The following LARGE1 variants were observed in gnomAD, a reference collection of about 807,000 sequenced individuals.
LARGE1 encodes the protein LARGE xylosyl- and glucuronyltransferase 1.
A neutral mutation model predicts 87.6 loss-of-function variants in LARGE1; 43 were observed. The ratio of observed to expected loss-of-function variants is 0.49; its 90% CI spans 0.38 to 0.63. LARGE1 has a LOEUF of 0.63. LARGE1 is among the 30% of genes least tolerant of loss of function. LARGE1 has a pLI of 0.00. For synonymous variants in LARGE1, 434 were observed against 394.6 expected (o/e 1.10, Z -1.18); for missense variants, 802 against 1,000.2 (o/e 0.80, Z 2.67).
intron 1 of LARGE1, among the ~76,000 whole-genome samples, chr22:33,875,892 C>T (rs1269958054): frequency 1.3e-5 from 2 of 152,032 alleles, no homozygotes; most frequent in African/African-American, 2.4e-5. Flanking sequence ...CTTCAGTGCC[C>T]GGGGGCCAGG....
At chr22:33,625,363 T>G (rs1272268061) in intron 4 of LARGE1, among the ~76,000 whole-genome samples, 2 of 152,154 alleles carry the variant, frequency 1.3e-5, no homozygotes, top group Non-Finnish European at 1.5e-5. Context: ...GCTGGAAGTG[T>G]CACATGGAGA....
intron 2 of LARGE1, among the ~76,000 whole-genome samples, chr22:33,714,017 AT>A (rs2082835859): frequency 6.6e-6 from 1 of 151,990 alleles, no homozygotes; most frequent in African/African-American, 2.4e-5. Flanking sequence ...ATAACATAAC[AT>A]AACATAACAT....
chr22:33,334,775 G>A (rs548472951), intron 10 of LARGE1, among the ~76,000 whole-genome samples: 7 of 152,208 alleles, frequency 4.6e-5, no homozygotes, highest in Non-Finnish European at 2.9e-5. Flanking sequence ...GCATCTCTAA[G>A]AGCTGTTAAG....
At chr22:33,902,467 G>A (rs1163045967) in intron 1 of LARGE1, among the ~76,000 whole-genome samples, 4 of 152,202 alleles carry the variant, frequency 2.6e-5, no homozygotes, top group African/African-American at 9.7e-5. Flanking sequence ...CGGCAGCACT[G>A]AGCCTAGGGA....
chr22:33,812,604 G>T (rs989304108), intron 1 of LARGE1, among the ~76,000 whole-genome samples: 1 of 152,208 alleles, frequency 6.6e-6, no homozygotes, highest in Admixed American at 6.5e-5. Flanking sequence ...AGGCACAGAT[G>T]GCGCAGGCCT....
chr22:33,282,854 G>A (rs1388935706), intron 13 of LARGE1, among the ~76,000 whole-genome samples: 1 of 152,168 alleles, frequency 6.6e-6, no homozygotes, highest in Non-Finnish European at 1.5e-5. Flanking sequence ...ACACAAAAGG[G>A]AGAACTCGGA....
chr22:33,384,163 T>C lies in LARGE1; in HGVS notation c.1005+29A>G, dbSNP rs1202783336. 6 of 1,462,900 alleles carry C rather than the reference T, an allele frequency of 4.1e-6. No homozygotes were observed. In the South Asian group the frequency reaches 5.7e-5, roughly 14 times the overall value. 90.6% of individuals were successfully genotyped at this position (1,462,900 alleles called of 1,614,324 possible). On this transcript the variant is annotated intron_variant, in intron 8 of 14. Transcript: ENST00000397394. ...AAACAGCACCAAGCACACTCAGGAA[T>C]AGCTGCACCTTCGAACCTGGCCACT... is the stretch of plus-strand genomic sequence containing the variant.
chr22:33,466,875 C>A (rs1018455826), intron 6 of LARGE1, among the ~76,000 whole-genome samples: 5 of 152,012 alleles, frequency 3.3e-5, no homozygotes, highest in African/African-American at 1.2e-4. Flanking sequence ...GCAGTCTCTA[C>A]TAAAAACAAA....
At chr22:33,318,861 A>T (rs1247536544) in intron 10 of LARGE1, among the ~76,000 whole-genome samples, 3 of 152,088 alleles carry the variant, frequency 2.0e-5, no homozygotes, top group Non-Finnish European at 4.4e-5. Context: ...TTTACATGGC[A>T]AGGGTTACCA....
chr22:33,768,956 G>A (rs773885652), intron 1 of LARGE1, among the ~76,000 whole-genome samples: 2 of 152,152 alleles, frequency 1.3e-5, no homozygotes, highest in African/African-American at 2.4e-5. Flanking sequence ...CTGTACTAAA[G>A]CACCTAGTAA....
At chr22:33,874,560 T>TA (rs1381806986) in intron 1 of LARGE1, among the ~76,000 whole-genome samples, 1 of 152,226 alleles carries the variant, frequency 6.6e-6, no homozygotes, top group Non-Finnish European at 1.5e-5. Context: ...CTGGAAATGT[T>TA]AGAGTTTGAG....
chr22:33,884,296 G>A (rs970738318), intron 1 of LARGE1, among the ~76,000 whole-genome samples: 18 of 152,274 alleles, frequency 1.2e-4, no homozygotes, highest in African/African-American at 4.1e-4. Flanking sequence ...GCGATCATGC[G>A]CTTGCAGGGA....
chr22:33,424,965 T>C (rs542965728), intron 7 of LARGE1, among the ~76,000 whole-genome samples: 1 of 152,178 alleles, frequency 6.6e-6, no homozygotes, highest in African/African-American at 2.4e-5. Flanking sequence ...TTAATGACCT[T>C]GTAAGAAGAG....
At chr22:33,197,807 TA>T (rs1170351631) in intron 11 of LARGE1, among the ~76,000 whole-genome samples, 1 of 152,018 alleles carries the variant, frequency 6.6e-6, no homozygotes, top group East Asian at 1.9e-4. Context: ...TATGTAAATA[TA>T]AAAGGCCTAG....
In LARGE1 at chr22:33,541,054, C is replaced by CGGGGG. The variant is rs57583473; in HGVS notation, c.787+23789_787+23793dup. On this transcript the variant is annotated intron_variant, in intron 6 of 14. Coordinates refer to ENST00000397394, the MANE Select transcript of LARGE1 (RefSeq NM_133642.5). ...TCATGGTGGCTGGGGTGGTGGGTTG[C>CGGGGG]GGGGGGGGGGGGGCGGGGGGCGGGT... Among the ~76,000 whole-genome samples the CGGGGG allele has an allele frequency of 3.9e-3, 53 of 13,698 alleles. 6 individuals carry two copies. Among genetic ancestry groups the CGGGGG allele is most frequent in the Non-Finnish European group, 7.0e-3 (41 of 5,848 alleles). The allele number at this position is 13,698 out of a possible 152,430, so 9.0% of individuals were successfully genotyped here. A position where few individuals can be genotyped will look rare whatever the true frequency, so the allele number is the denominator to read the frequency against.
chr22:33,149,068 C>T, the LARGE1 span, among the ~76,000 whole-genome samples: 1,163 of 145,042 alleles, frequency 8.0e-3, 19 homozygotes, highest in African/African-American at 0.026. Context: ...GACAGAGTCT[C>T]GCTCTGTTGC....
intron 2 of LARGE1, among the ~76,000 whole-genome samples, chr22:33,729,450 G>A (rs1296851551): frequency 6.6e-6 from 1 of 152,218 alleles, no homozygotes; most frequent in East Asian, 1.9e-4. Context: ...ATGCATTCCA[G>A]AAGATGAGGA....
At chr22:33,703,309 T>C (rs1011691173) in intron 2 of LARGE1, among the ~76,000 whole-genome samples, 6 of 143,792 alleles carry the variant, frequency 4.2e-5, no homozygotes, top group African/African-American at 1.0e-4. Flanking sequence ...TGTATACCTA[T>C]GCAACAAACC....
intron 2 of LARGE1, among the ~76,000 whole-genome samples, chr22:33,709,914 A>T (rs1367435894): frequency 6.7e-6 from 1 of 148,376 alleles, no homozygotes. Context: ...GGCGTGAGCC[A>T]CCACGCTCAG....
Sources: gnomAD v4.1 joint callset for allele counts (sites outside exome capture counted in the v4.1 genomes callset) on GRCh38, gnomAD v4.1.1 for gene constraint, MANE v1.5 for transcripts, NCBI Gene and HGNC (gene_info 2026-07-23, HGNC 2026-07-21) for gene names.